The following ZNF536 variants were observed in gnomAD, a reference collection of about 807,000 sequenced individuals.
ZNF536 encodes zinc finger protein 536.
In ZNF536, 13 loss-of-function variants were observed where a neutral mutation model predicts 84.5. That is an observed-to-expected ratio of 0.15 (90% CI 0.10 to 0.24). The LOEUF (loss-of-function observed/expected upper bound fraction) is 0.24. ZNF536 is among the 10% of genes least tolerant of loss of function. ZNF536 has a pLI of 1.00. For synonymous variants in ZNF536, 811 were observed against 742.5 expected, an observed-to-expected ratio of 1.09 and a Z score of -1.50; for missense variants, 1,536 against 1,747.5, an observed-to-expected ratio of 0.88 and a Z score of 2.16.
At chr19:30,277,174 A>G (rs1600025535) in intron 1 of ZNF536, among the ~76,000 whole-genome samples, 2 of 152,352 alleles carry the variant, frequency 1.3e-5, no homozygotes, top group South Asian at 4.1e-4. Context: ...GACCATCTTT[A>G]GAGTAAGCGG....
intron 1 of ZNF536, among the ~76,000 whole-genome samples, chr19:30,697,100 A>G (rs2051692998): frequency 6.6e-6 from 1 of 152,188 alleles, no homozygotes; most frequent in Non-Finnish European, 1.5e-5. Flanking sequence ...CGTAAGGTAA[A>G]GGGGAAGCCA....
chr19:30,308,753 G>A (rs548927356), intron 2 of ZNF536, among the ~76,000 whole-genome samples: 3 of 152,306 alleles, frequency 2.0e-5, no homozygotes, highest in East Asian at 1.9e-4. Flanking sequence ...CTCTGTGGTC[G>A]CACAGAGCTC....
intron 1 of ZNF536, among the ~76,000 whole-genome samples, chr19:30,282,435 C>G (rs2045481847): frequency 6.6e-6 from 1 of 152,170 alleles, no homozygotes; most frequent in Non-Finnish European, 1.5e-5. Flanking sequence ...GTGTTCTGAT[C>G]AATGGCGTGA....
chr19:30,453,512 C>T (rs915801679), intron 2 of ZNF536, among the ~76,000 whole-genome samples: 24 of 152,298 alleles, frequency 1.6e-4, no homozygotes, highest in Non-Finnish European at 2.4e-4. Flanking sequence ...CTGTTCCTTC[C>T]CTGTAATAGC....
chr19:30,583,497 GC>G (rs1688583769), intron 1 of ZNF536, among the ~76,000 whole-genome samples: 1 of 152,214 alleles, frequency 6.6e-6, no homozygotes, highest in Non-Finnish European at 1.5e-5. Context: ...GAATGGGTGT[GC>G]TTTTGGTGTG....
intron 2 of ZNF536, among the ~76,000 whole-genome samples, chr19:30,465,519 A>G (rs1330247448): frequency 6.6e-6 from 1 of 152,166 alleles, no homozygotes. Context: ...TTGGTCCCTT[A>G]TCACATCGCC....
rs574545994 is a variant in ZNF536 at position 30,406,263 on chromosome 19, A to G, written c.-3+33707A>G. Among the ~76,000 whole-genome samples, 240 of 152,322 alleles carry G rather than the reference A, an allele frequency of 1.6e-3. 1 individual carries two copies. Among genetic ancestry groups the G allele is most frequent in the Non-Finnish European group, 2.9e-3 (196 of 68,018 alleles). ...GGGAACAACTAGTCAACCGCGATGC[A>G]TGCCCAGGGAGAAACAACCCAAGGA... On this transcript the variant is annotated intron_variant, in intron 1 of 4. Coordinates refer to ENST00000355537, the MANE Select transcript of ZNF536 (RefSeq NM_014717.3).
At chr19:30,337,441 C>G (rs1207279013) in intron 2 of ZNF536, among the ~76,000 whole-genome samples, 3 of 152,200 alleles carry the variant, frequency 2.0e-5, no homozygotes, top group African/African-American at 7.2e-5. Flanking sequence ...GATAAACCCT[C>G]ATTATAATCG....
chr19:30,245,694 A>G (rs2024221347), intron 1 of ZNF536, among the ~76,000 whole-genome samples: 1 of 152,220 alleles, frequency 6.6e-6, no homozygotes, highest in African/African-American at 2.4e-5. Flanking sequence ...CGTTATTGCC[A>G]AGTTGTTCTC....
intron 1 of ZNF536, among the ~76,000 whole-genome samples, chr19:30,640,205 C>T (rs1184304472): frequency 6.8e-6 from 1 of 146,454 alleles, no homozygotes; most frequent in Non-Finnish European, 1.5e-5. Flanking sequence ...CAAGATCACG[C>T]CACTGCATTC....
At chr19:30,595,413 G>A (rs535366538) in intron 1 of ZNF536, among the ~76,000 whole-genome samples, 38 of 152,212 alleles carry the variant, frequency 2.5e-4, no homozygotes, top group South Asian at 1.7e-3. Context: ...TCAGCCTCCC[G>A]AGTAGCTGGC....
At chr19:30,663,758 A>T (rs772027957) in intron 1 of ZNF536, among the ~76,000 whole-genome samples, 4 of 152,212 alleles carry the variant, frequency 2.6e-5, no homozygotes, top group Non-Finnish European at 5.9e-5. Flanking sequence ...TGAAATTAAC[A>T]TTAATGTATG....
intron 1 of ZNF536, among the ~76,000 whole-genome samples, chr19:30,653,850 T>G (rs963526778): frequency 5.9e-5 from 9 of 152,128 alleles, no homozygotes; most frequent in Non-Finnish European, 1.0e-4. Context: ...GTCACTTCCC[T>G]GGCACACACA....
chr19:30,711,293 TG>T (rs894889017), exon 2 of ZNF536: 3 of 152,148 alleles, frequency 2.0e-5, no homozygotes, highest in Non-Finnish European at 2.9e-5. Flanking sequence ...TGGAGAGAGC[TG>T]GGGGCCCTTC....
intron 1 of ZNF536, among the ~76,000 whole-genome samples, chr19:30,671,565 C>G (rs894562414): frequency 1.3e-5 from 2 of 152,042 alleles, no homozygotes; most frequent in Non-Finnish European, 2.9e-5. Flanking sequence ...GGAAGCGGGG[C>G]AGGGGTGGAG....
intron 1 of ZNF536, among the ~76,000 whole-genome samples, chr19:30,411,821 A>T (rs2050507130): frequency 6.6e-6 from 1 of 152,128 alleles, no homozygotes; most frequent in Non-Finnish European, 1.5e-5. Flanking sequence ...GATAAGTTTG[A>T]TAGATGATCT....
At chr19:30,472,873 C>T (rs1689481166) in intron 2 of ZNF536, among the ~76,000 whole-genome samples, 1 of 151,932 alleles carries the variant, frequency 6.6e-6, no homozygotes, top group Non-Finnish European at 1.5e-5. Flanking sequence ...TGATTCTGCC[C>T]CCTTTCTCAC....
At chr19:30,678,086 G>A (rs1295276937) in intron 1 of ZNF536, among the ~76,000 whole-genome samples, 1 of 152,202 alleles carries the variant, frequency 6.6e-6, no homozygotes, top group Non-Finnish European at 1.5e-5. Flanking sequence ...GAGGATTTGG[G>A]ATGAGAAATT....
At chr19:30,701,430 CACACAG>C (rs1291101864) in intron 1 of ZNF536, among the ~76,000 whole-genome samples, 66 of 150,126 alleles carry the variant, frequency 4.4e-4, no homozygotes, top group African/African-American at 1.6e-3. Flanking sequence ...CACAAACACA[CACACAG>C]ACACAAACAC....
Sources: gnomAD v4.1 joint callset for allele counts (sites outside exome capture counted in the v4.1 genomes callset) on GRCh38, gnomAD v4.1.1 for gene constraint, MANE v1.5 for transcripts, NCBI Gene and HGNC (gene_info 2026-07-23, HGNC 2026-07-21) for gene names.